PLCH1: variants seen among roughly 807,000 people sequenced by gnomAD.
PLCH1 encodes the protein phospholipase C eta 1.
In PLCH1, 60 loss-of-function variants were observed where a neutral mutation model predicts 126.7. That is an observed-to-expected ratio of 0.47 (90% CI 0.38 to 0.59). The LOEUF (loss-of-function observed/expected upper bound fraction) is 0.59, where lower values mean the gene tolerates loss of function less well. PLCH1 is among the 20% of genes least tolerant of loss of function. PLCH1 has a pLI of 0.00. For missense variants in PLCH1, 1,723 were observed against 2,040.0 expected, an observed-to-expected ratio of 0.84 and a Z score of 2.99; for synonymous variants, 719 against 734.9, an observed-to-expected ratio of 0.98 and a Z score of 0.35.
intron 1 of PLCH1, chr3:155,742,912 T>C (rs1326767484): frequency 6.4e-6 from 1 of 157,366 alleles, no homozygotes; most frequent in Admixed American, 6.2e-5. Context: ...TGAAAACAAA[T>C]TGCTTGAAAC....
At chr3:155,660,032 A>C (rs1399959589) in intron 2 of PLCH1, among the ~76,000 whole-genome samples, 3 of 152,202 alleles carry the variant, frequency 2.0e-5, no homozygotes, top group African/African-American at 7.2e-5. Flanking sequence ...CTGCTATGTT[A>C]TATGTTAACT....
chr3:155,515,798 C>A (rs1383244908), intron 11 of PLCH1, among the ~76,000 whole-genome samples: 2 of 120,390 alleles, frequency 1.7e-5, no homozygotes, highest in African/African-American at 1.1e-4. Flanking sequence ...TGCTAAAGAC[C>A]AACCCCCCAA....
chr3:155,463,829 C>CA (rs1712820126), intron 21 of PLCH1, among the ~76,000 whole-genome samples: 1 of 152,136 alleles, frequency 6.6e-6, no homozygotes, highest in South Asian at 2.1e-4. Context: ...ACCACACACA[C>CA]AAAAAATGGA....
At chr3:155,659,299 CTTCTTTTTTTTT>C (rs1741816998) in intron 2 of PLCH1, among the ~76,000 whole-genome samples, 3 of 55,446 alleles carry the variant, frequency 5.4e-5, no homozygotes, top group African/African-American at 1.8e-4. Flanking sequence ...TGTCTATTCA[CTTCTTTTTTTTT>C]TTTTTTTTTT....
intron 1 of PLCH1, among the ~76,000 whole-genome samples, chr3:155,710,374 G>T (rs1747012893): frequency 6.6e-6 from 1 of 152,150 alleles, no homozygotes; most frequent in Admixed American, 6.5e-5. Context: ...CTCCCAGACT[G>T]TGACTTGTCA....
downstream of PLCH1, among the ~76,000 whole-genome samples, chr3:155,478,435 A>T (rs902251466): frequency 2.6e-5 from 4 of 152,144 alleles, no homozygotes; most frequent in African/African-American, 7.2e-5. Flanking sequence ...TCAAAGGATA[A>T]ATGCTTGAGG....
intron 2 of PLCH1, chr3:155,675,922 T>C (rs1451259935): frequency 3.8e-6 from 3 of 781,572 alleles, no homozygotes; most frequent in Non-Finnish European, 6.2e-6. Context: ...TAACTAAACA[T>C]GAAATAAAAT....
At chr3:155,541,267 T>G (rs1227383193) in intron 10 of PLCH1, among the ~76,000 whole-genome samples, 2 of 152,162 alleles carry the variant, frequency 1.3e-5, no homozygotes, top group Admixed American at 6.5e-5. Flanking sequence ...GATAAAAGAC[T>G]GCTCACTGGG....
intron 2 of PLCH1, among the ~76,000 whole-genome samples, chr3:155,625,181 G>A (rs1370618995): frequency 6.6e-6 from 1 of 152,142 alleles, no homozygotes; most frequent in East Asian, 1.9e-4. Flanking sequence ...GGGAAAATTG[G>A]CTAGCCATAA....
intron 2 of PLCH1, among the ~76,000 whole-genome samples, chr3:155,668,762 A>G (rs1417897151): frequency 1.3e-5 from 2 of 152,086 alleles, no homozygotes; most frequent in Non-Finnish European, 2.9e-5. Flanking sequence ...GTATGGTGGC[A>G]CACGCCTGTA....
chr3:155,692,535 T>G (rs1005249662), intron 2 of PLCH1, among the ~76,000 whole-genome samples: 1 of 151,026 alleles, frequency 6.6e-6, no homozygotes, highest in African/African-American at 2.4e-5. Context: ...GGGCTTGGGT[T>G]GAGTCCAACC....
intron 2 of PLCH1, among the ~76,000 whole-genome samples, chr3:155,656,683 A>G (rs759515707): frequency 7.2e-5 from 11 of 152,228 alleles, no homozygotes; most frequent in Non-Finnish European, 1.3e-4. Flanking sequence ...TTCCTCAGAC[A>G]TAAAGTCAGC....
At chr3:155,499,551 C>T (rs1043761799) in intron 14 of PLCH1, among the ~76,000 whole-genome samples, 1 of 152,178 alleles carries the variant, frequency 6.6e-6, no homozygotes, top group Non-Finnish European at 1.5e-5. Context: ...CCCAAAAGGA[C>T]ATCATCATAG....
At chr3:155,461,677 G>A (rs1464257590) in intron 21 of PLCH1, among the ~76,000 whole-genome samples, 2 of 152,182 alleles carry the variant, frequency 1.3e-5, no homozygotes, top group African/African-American at 2.4e-5. Flanking sequence ...CAAAGAGAGT[G>A]TGGTATGATA....
At chr3:155,610,360 T>C (rs1170560800) in intron 2 of PLCH1, among the ~76,000 whole-genome samples, 1 of 66,952 alleles carries the variant, frequency 1.5e-5, no homozygotes, top group Admixed American at 2.0e-4. Flanking sequence ...AAACTGCGTC[T>C]GGAGAAAAAA....
At chr3:155,600,441 G>C (rs185705366) in intron 2 of PLCH1, among the ~76,000 whole-genome samples, 2 of 152,160 alleles carry the variant, frequency 1.3e-5, no homozygotes, top group African/African-American at 4.8e-5. Context: ...CAAGGGAAGA[G>C]TTCTAGTGGC....
At chr3:155,687,209 AGATT>A (rs1745018773) in intron 2 of PLCH1, among the ~76,000 whole-genome samples, 2 of 152,240 alleles carry the variant, frequency 1.3e-5, no homozygotes, top group African/African-American at 4.8e-5. Flanking sequence ...GCTGAAGTAT[AGATT>A]AATGATTAGT....
intron 2 of PLCH1, among the ~76,000 whole-genome samples, chr3:155,668,887 G>C (rs13076587): frequency 0.17 from 26,110 of 152,088 alleles, 2,618 homozygotes; most frequent in East Asian, 0.43. Flanking sequence ...GAGAGACTCA[G>C]TCTAAAAGAA....
At chr3:155,603,912 A>T (rs1244016940) in intron 2 of PLCH1, among the ~76,000 whole-genome samples, 1 of 152,104 alleles carries the variant, frequency 6.6e-6, no homozygotes, top group Non-Finnish European at 1.5e-5. Context: ...AGCCAGGACC[A>T]CATAGGGAGA....
Sources: allele counts gnomAD v4.1 joint callset (sites outside exome capture counted in the v4.1 genomes callset), GRCh38; gene constraint gnomAD v4.1.1; transcripts MANE v1.5; gene names NCBI Gene and HGNC (gene_info 2026-07-23, HGNC 2026-07-21).